TRIP12: variants seen among roughly 807,000 people sequenced by gnomAD.
TRIP12 encodes E3 ubiquitin-protein ligase TRIP12.
TRIP12 carries 25 observed loss-of-function variants against 244.2 expected under a neutral mutation model. That is an observed-to-expected ratio of 0.10 (90% CI 0.07 to 0.14). TRIP12 has a LOEUF of 0.14. Ranked by LOEUF, TRIP12 falls within the 10% of genes least tolerant of loss-of-function variation. The pLI is 1.00. For missense variants in TRIP12, 1,677 were observed against 2,486.4 expected, an observed-to-expected ratio of 0.67 and a Z score of 6.92; for synonymous variants, 905 against 873.1, an observed-to-expected ratio of 1.04 and a Z score of -0.64.
At chr2:229,826,781 A>T (rs952800475) in intron 8 of TRIP12, among the ~76,000 whole-genome samples, 4 of 152,174 alleles carry the variant, frequency 2.6e-5, no homozygotes, top group South Asian at 2.1e-4. Context: ...CAAATAGAAG[A>T]AGTAGAGTAA....
chr2:229,811,475 C>A (rs1426502923), intron 13 of TRIP12, among the ~76,000 whole-genome samples: 1 of 151,888 alleles, frequency 6.6e-6, no homozygotes, highest in Non-Finnish European at 1.5e-5. Flanking sequence ...ATTATGCTTA[C>A]ACAATCTCAA....
rs59794043 is a variant in TRIP12, at chr2:229,853,679, AATAC to A, written c.1027+5089_1027+5092del. Reference sequence around the variant, plus strand: ...ACTCCAAAAATAAATAAATAAATAAAATACATACATACATACATACATACATGAC... The same window carrying A: ...ACTCCAAAAATAAATAAATAAATAAAATACATACATACATACATACATGAC... On this transcript the variant is annotated intron_variant, in intron 4 of 41. Transcript: ENST00000675903. Among the ~76,000 whole-genome samples, 1,325 of 151,524 alleles carry A rather than the reference AATAC, an allele frequency of 8.7e-3. 11 individuals are homozygous for A. Among genetic ancestry groups the A allele is most frequent in the Non-Finnish European group, 0.015 (1,036 of 67,802 alleles).
Position 229,909,543 on chromosome 2 carries a change from G to A in TRIP12, c.-50+12337C>T, listed in dbSNP as rs73103524. 5.3e-3 allele frequency among the ~76,000 whole-genome samples: 787 copies of A among 149,874 alleles called. 8 individuals carry two copies. Among genetic ancestry groups the A allele is most frequent in the African/African-American group, 0.019 (760 of 40,516 alleles). ...ACTGGACTCCAGCCTAGGTGACAGC[G>A]TTGAGACCTTGTCTAAAAAAAAAAA... On this transcript the variant is annotated intron_variant, in intron 1 of 41. Coordinates refer to ENST00000675903, the MANE Select transcript of TRIP12 (RefSeq NM_001348323.3).
At chr2:229,839,652 C>A (rs1475500093) in intron 5 of TRIP12, among the ~76,000 whole-genome samples, 1 of 150,646 alleles carries the variant, frequency 6.6e-6, no homozygotes, top group African/African-American at 2.4e-5. Context: ...GCACTCCAGC[C>A]TGGGCGACAG....
At chr2:229,794,447 G>A (rs933829837) in intron 26 of TRIP12, among the ~76,000 whole-genome samples, 1 of 151,986 alleles carries the variant, frequency 6.6e-6, no homozygotes, top group Non-Finnish European at 1.5e-5. Context: ...CATGCCTGTG[G>A]CCCCAGCTAC....
intron 2 of TRIP12, among the ~76,000 whole-genome samples, chr2:229,877,936 T>C (rs2063936566): frequency 6.6e-6 from 1 of 152,204 alleles, no homozygotes; most frequent in Non-Finnish European, 1.5e-5. Flanking sequence ...TCACATGAAG[T>C]TGAGTGTGGC....
At chr2:229,920,072 G>A (rs1271338479) in intron 1 of TRIP12, among the ~76,000 whole-genome samples, 1 of 152,060 alleles carries the variant, frequency 6.6e-6, no homozygotes, top group African/African-American at 2.4e-5. Flanking sequence ...AACCCCCCCG[G>A]GGTGTAAATG....
chr2:229,864,047 A>AGAGAGAGAGAGAGAGTGT, intron 2 of TRIP12, among the ~76,000 whole-genome samples: 46 of 79,292 alleles, frequency 5.8e-4, no homozygotes, highest in South Asian at 1.0e-3. Context: ...AGAGAGAGAG[A>AGAGAGAGAGAGAGAGTGT]GTGTGTGTGT....
At chr2:229,914,154 G>A (rs1447827320) in intron 1 of TRIP12, among the ~76,000 whole-genome samples, 2 of 151,898 alleles carry the variant, frequency 1.3e-5, no homozygotes, top group Admixed American at 6.6e-5. Context: ...GCAGTGAGTC[G>A]GGATCGCACC....
At chr2:229,859,596 C>T (rs1182152276) in intron 3 of TRIP12, 22 bp from the exon 4 acceptor site, 1 of 1,590,214 alleles carries the variant, frequency 6.3e-7, no homozygotes, top group Non-Finnish European at 8.6e-7. Context: ...GATAAGAAAA[C>T]AGTTAATATC....
Position 229,775,747 on chromosome 2 carries a change from C to G in TRIP12, c.5530-1486G>C, listed in dbSNP as rs368358063. Among the ~76,000 whole-genome samples the G allele has an allele frequency of 1.4e-4, 21 of 151,554 alleles. No individual in the cohort carries two copies. In the South Asian group the frequency reaches 4.2e-3, roughly 30 times the overall value. ...ATTTCTTTAGAGAATTTAAGCTACC[C>G]AGTAGAATCTGAGCCAGGACAACTT... On this transcript the variant is annotated intron_variant, in intron 37 of 41. Transcript: ENST00000675903.
intron 1 of TRIP12, among the ~76,000 whole-genome samples, chr2:229,910,790 C>T (rs1013509061): frequency 6.6e-6 from 1 of 152,194 alleles, no homozygotes; most frequent in South Asian, 2.1e-4. Flanking sequence ...AAAAGATGAA[C>T]TCTGCAATTA....
chr2:229,864,033 AGAGAGAGAGAGAGAGTGTGT>A (rs1358161512), intron 2 of TRIP12, among the ~76,000 whole-genome samples: 7 of 118,244 alleles, frequency 5.9e-5, no homozygotes, highest in African/African-American at 1.5e-4. Flanking sequence ...AGAGAGAGAG[AGAGAGAGAGAGAGAGTGTGT>A]GTGTGTGTGT....
chr2:229,807,785 C>G lies in TRIP12; in HGVS notation c.2419G>C (p.Asp807His). 1 of 1,614,172 alleles carries G rather than the reference C, an allele frequency of 6.2e-7. No homozygotes were observed. Residue 807 changes from aspartate (D) to histidine (H), a missense_variant, in exon 17 of 42, where the codon GAT (aspartate) becomes CAT (histidine). This residue lies in a region of TRIP12 where 572 missense variants were observed against 867.8 expected (regional missense o/e 0.66). Transcript: ENST00000675903. ...MLKKGNAQNT[D>H]GAIWQWRDDR... Reference sequence around the variant, plus strand: ...TCACGCCACTGCCATATCGCACCATCTGTGTTCTGTGCATTTCCCTTCTTC... The same window carrying G: ...TCACGCCACTGCCATATCGCACCATGTGTGTTCTGTGCATTTCCCTTCTTC...
intron 8 of TRIP12, among the ~76,000 whole-genome samples, chr2:229,824,807 A>G (rs1215466301): frequency 1.3e-5 from 2 of 152,242 alleles, no homozygotes; most frequent in South Asian, 2.1e-4. Context: ...ATAAAATTTA[A>G]AAGATTATTT....
At chr2:229,836,398 T>A (rs2054826356) in intron 6 of TRIP12, among the ~76,000 whole-genome samples, 1 of 152,206 alleles carries the variant, frequency 6.6e-6, no homozygotes, top group Non-Finnish European at 1.5e-5. Flanking sequence ...GTGCTTCTAA[T>A]ATATCAAGAA....
chr2:229,857,506 G>C (rs2059788350), intron 4 of TRIP12, among the ~76,000 whole-genome samples: 1 of 152,032 alleles, frequency 6.6e-6, no homozygotes, highest in African/African-American at 2.4e-5. Context: ...GCGCACACTT[G>C]TAATCTCAGC....
chr2:229,791,518 G>A (rs1389707916), intron 29 of TRIP12, among the ~76,000 whole-genome samples: 1 of 152,206 alleles, frequency 6.6e-6, no homozygotes, highest in Non-Finnish European at 1.5e-5. Context: ...GACAATGCAG[G>A]AAGCTGCATC....
At chr2:229,802,610 G>C (rs2044676218) in intron 20 of TRIP12, 151 bp from the exon 21 acceptor site, 1 of 516,186 alleles carries the variant, frequency 1.9e-6, no homozygotes. Context: ...TTAGGAGCCA[G>C]AGTTTTCAAC....
Sources: gnomAD v4.1 joint callset for allele counts (sites outside exome capture counted in the v4.1 genomes callset) on GRCh38, gnomAD v4.1.1 for gene constraint, gnomAD v4.1.1 regional missense constraint, MANE v1.5 for transcripts, NCBI Gene and HGNC (gene_info 2026-07-23, HGNC 2026-07-21) for gene names.